EYS: variants seen among roughly 807,000 people sequenced by gnomAD.
EYS encodes EGF-like photoreceptor maintenance factor, also known as protein eyes shut homolog.
In EYS, 250 loss-of-function variants were observed where a neutral mutation model predicts 282.1. That is an observed-to-expected ratio of 0.89 (90% confidence interval 0.80 to 0.98). EYS has a LOEUF of 0.98. Among genes scored for constraint, EYS ranks in the 50% least tolerant of loss-of-function variants. EYS has a pLI of 0.00. For synonymous variants in EYS, 1,355 were observed against 1,282.9 expected (o/e 1.06, Z -1.20); for missense variants, 4,016 against 3,709.0 (o/e 1.08, Z -2.15).
intron 8 of EYS, among the ~76,000 whole-genome samples, chr6:65,354,829 AT>A (rs1405932535): frequency 6.6e-6 from 1 of 152,126 alleles, no homozygotes; most frequent in Admixed American, 6.6e-5. Context: ...CTCAAAAAAA[AT>A]GAAAAAGAAA....
chr6:65,032,652 C>A (rs765784374), intron 13 of EYS, among the ~76,000 whole-genome samples: 3 of 151,948 alleles, frequency 2.0e-5, no homozygotes, highest in African/African-American at 7.3e-5. Flanking sequence ...GCCTGCAGAA[C>A]GGTGAGCTAA....
intron 33 of EYS, among the ~76,000 whole-genome samples, chr6:64,050,429 G>A (rs1770771861): frequency 6.6e-6 from 1 of 152,092 alleles, no homozygotes; most frequent in East Asian, 1.9e-4. Context: ...CTCTTAACTA[G>A]AGGGTCTTAT....
chr6:65,492,011 T>A (rs1766064295), intron 4 of EYS, among the ~76,000 whole-genome samples: 1 of 152,174 alleles, frequency 6.6e-6, no homozygotes, highest in African/African-American at 2.4e-5. Flanking sequence ...TATCTGCCAA[T>A]CTTTGACTTT....
intron 31 of EYS, among the ~76,000 whole-genome samples, chr6:64,158,323 GAT>G (rs2150299287): frequency 6.6e-6 from 1 of 152,198 alleles, no homozygotes; most frequent in Non-Finnish European, 1.5e-5. Context: ...TGAATACGTT[GAT>G]AATGGAATGT....
intron 29 of EYS, among the ~76,000 whole-genome samples, chr6:64,324,768 T>G (rs114172747): frequency 0.031 from 4,731 of 152,234 alleles, 232 homozygotes; most frequent in African/African-American, 0.11. Flanking sequence ...TTTAGCAAGA[T>G]TTCAGGATAC....
intron 26 of EYS, among the ~76,000 whole-genome samples, chr6:64,454,724 T>C (rs1376456950): frequency 6.6e-6 from 1 of 152,178 alleles, no homozygotes; most frequent in African/African-American, 2.4e-5. Context: ...ATTACTTAAG[T>C]ATCCACAGAT....
At chr6:64,547,023 G>A (rs577057088) in intron 26 of EYS, among the ~76,000 whole-genome samples, 1 of 152,282 alleles carries the variant, frequency 6.6e-6, no homozygotes, top group African/African-American at 2.4e-5. Flanking sequence ...TGGCATGTCT[G>A]GAGTTTGTTC....
At chr6:65,394,531 T>C (rs997545102) in intron 7 of EYS, among the ~76,000 whole-genome samples, 1 of 152,170 alleles carries the variant, frequency 6.6e-6, no homozygotes, top group African/African-American at 2.4e-5. Context: ...GCTGTAGCAC[T>C]GCCTTTGGAG....
chr6:63,883,916 T>C (rs1773196289), intron 35 of EYS, among the ~76,000 whole-genome samples: 1 of 152,224 alleles, frequency 6.6e-6, no homozygotes, highest in Admixed American at 6.5e-5. Flanking sequence ...CCAGTGTTGT[T>C]CTCAACTGCT....
chr6:63,924,577 T>G (rs1764663458), intron 35 of EYS, among the ~76,000 whole-genome samples: 1 of 152,196 alleles, frequency 6.6e-6, no homozygotes. Context: ...GAACTATTTT[T>G]GGGGGGTTAT....
At chr6:64,419,804 T>C (rs1774171056) in intron 28 of EYS, among the ~76,000 whole-genome samples, 1 of 152,200 alleles carries the variant, frequency 6.6e-6, no homozygotes, top group African/African-American at 2.4e-5. Flanking sequence ...TCCTGGCTGC[T>C]TTCAGGGGCT....
chr6:65,661,783 G>A (rs1387704611), intron 1 of EYS, among the ~76,000 whole-genome samples: 1 of 152,080 alleles, frequency 6.6e-6, no homozygotes, highest in African/African-American at 2.4e-5. Context: ...ATCTGTGCCT[G>A]CACAAGGAAC....
intron 13 of EYS, among the ~76,000 whole-genome samples, chr6:65,036,618 C>CAAA (rs553556855): frequency 1.8e-4 from 25 of 135,376 alleles, no homozygotes; most frequent in African/African-American, 6.6e-4. Context: ...ATTAGTAAGC[C>CAAA]AAAAAAAAAA....
chr6:64,675,810 G>A (rs918613743), intron 22 of EYS, among the ~76,000 whole-genome samples: 4 of 151,596 alleles, frequency 2.6e-5, no homozygotes, highest in African/African-American at 7.3e-5. Flanking sequence ...TACTTTACCT[G>A]CACTATGGTC....
intron 28 of EYS, among the ~76,000 whole-genome samples, chr6:64,403,017 T>G (rs935473849): frequency 6.6e-6 from 1 of 152,170 alleles, no homozygotes; most frequent in African/African-American, 2.4e-5. Context: ...TTATATTATA[T>G]TTCAGGAGCT....
intron 19 of EYS, among the ~76,000 whole-genome samples, chr6:64,844,265 ATTTC>A (rs1765654100): frequency 6.6e-6 from 1 of 151,826 alleles, no homozygotes; most frequent in Non-Finnish European, 1.5e-5. Context: ...TCGTTCTTAA[ATTTC>A]TTTTTTTCTC....
chr6:64,317,168 T>C (rs995545082), intron 29 of EYS, among the ~76,000 whole-genome samples: 2 of 152,036 alleles, frequency 1.3e-5, no homozygotes, highest in African/African-American at 4.8e-5. Flanking sequence ...ACTTCATTAC[T>C]AAAACACCAA....
intron 15 of EYS, among the ~76,000 whole-genome samples, chr6:64,928,917 G>T (rs1431809684): frequency 2.0e-5 from 3 of 151,958 alleles, no homozygotes; most frequent in Non-Finnish European, 4.4e-5. Context: ...TTTTATGTAT[G>T]GCTATGCTAA....
At chr6:64,732,174 A>G (rs1351370308) in intron 22 of EYS, among the ~76,000 whole-genome samples, 1 of 151,678 alleles carries the variant, frequency 6.6e-6, no homozygotes, top group Non-Finnish European at 1.5e-5. Flanking sequence ...TTGGGGGGCA[A>G]GGGGAGGGAT....
Sources: allele counts gnomAD v4.1 joint callset (sites outside exome capture counted in the v4.1 genomes callset), GRCh38; gene constraint gnomAD v4.1.1; transcripts MANE v1.5; gene names NCBI Gene and HGNC (gene_info 2026-07-23, HGNC 2026-07-21).